The following NCKAP5 variants were observed in gnomAD, a reference collection of about 807,000 sequenced individuals.
NCKAP5 encodes the protein NCK associated protein 5, also known as nck-associated protein 5.
Under a neutral mutation model 167.0 loss-of-function variants are expected in NCKAP5, and 92 were observed. The observed-to-expected ratio is 0.55, with a 90% CI of 0.47 to 0.66. The LOEUF (loss-of-function observed/expected upper bound fraction) is 0.66, where lower values mean the gene tolerates loss of function less well. Among genes scored for constraint, NCKAP5 ranks in the 30% least tolerant of loss-of-function variants. The pLI, the probability that NCKAP5 is intolerant of heterozygous loss-of-function variation, is 0.00. For synonymous variants in NCKAP5, 891 were observed against 877.4 expected (o/e 1.02, Z -0.27); for missense variants, 2,378 against 2,315.0 (o/e 1.03, Z -0.56).
chr2:133,317,649 C>T (rs948480139), intron 3 of NCKAP5, among the ~76,000 whole-genome samples: 9 of 152,186 alleles, frequency 5.9e-5, no homozygotes, highest in East Asian at 1.9e-4. Context: ...CTGCATCCTT[C>T]GCCAGCTGTA....
At chr2:132,953,075 T>C (rs2076237406) in intron 8 of NCKAP5, among the ~76,000 whole-genome samples, 1 of 152,186 alleles carries the variant, frequency 6.6e-6, no homozygotes, top group African/African-American at 2.4e-5. Context: ...GGTAGTTCCA[T>C]GTACTACCTA....
intron 7 of NCKAP5, among the ~76,000 whole-genome samples, chr2:132,980,148 C>T (rs1175880332): frequency 1.3e-5 from 2 of 151,790 alleles, no homozygotes; most frequent in African/African-American, 4.8e-5. Flanking sequence ...CACCACTATA[C>T]CCAGCTAATT....
Position 132,939,257 on chromosome 2 carries a change from A to G in NCKAP5, c.579+24463T>C, listed in dbSNP as rs146817868. On this transcript the variant is annotated intron_variant, in intron 8 of 19. Coordinates refer to ENST00000409261, the MANE Select transcript of NCKAP5 (RefSeq NM_207363.3). The stretch of plus-strand genomic sequence containing the variant: ...ATTAGGAAAGTTGAGAGGGCAGTAC[A>G]CTATAATTAGAAGCCTGGGCCAGGC... Among the ~76,000 whole-genome samples the G allele has an allele frequency of 6.8e-3, 1,039 of 152,330 alleles. 10 individuals are homozygous for G. Among genetic ancestry groups the G allele is most frequent in the African/African-American group, 0.024 (991 of 41,580 alleles).
rs2085668112 is a variant in NCKAP5, at chr2:133,201,149, G to A, written c.207+12567C>T. 2.0e-5 allele frequency among the ~76,000 whole-genome samples: 3 copies of A among 152,146 alleles called. No individual in the cohort carries two copies. The South Asian group carries it at 6.2e-4, about 32-fold the overall frequency. On this transcript the variant is annotated intron_variant, in intron 5 of 19. Transcript: ENST00000409261. ...TGATAGTTGATGTGATAACCAGGCT[G>A]GCTACTAAGTGACTAACAGGCAGTG... is the stretch of plus-strand genomic sequence containing the variant.
At chr2:132,676,095 A>G (rs941287746) in intron 19 of NCKAP5, among the ~76,000 whole-genome samples, 4 of 152,078 alleles carry the variant, frequency 2.6e-5, no homozygotes, top group African/African-American at 9.7e-5. Flanking sequence ...CTATGCAGAA[A>G]TGTGGGTGCA....
rs140296314 is a variant in NCKAP5, at chr2:132,843,973, T to C, written c.807+16519A>G. Among the ~76,000 whole-genome samples the C allele has an allele frequency of 2.9e-3, 448 of 152,228 alleles. 2 individuals carry two copies. Among genetic ancestry groups the C allele is most frequent in the African/African-American group, 0.01 (427 of 41,564 alleles). ...ATCTGGTAGGTTGTGACCTTAAGAA[T>C]ACTTTCATCTTCTTTCCTCTTCCTC... On this transcript the variant is annotated intron_variant, in intron 11 of 19. Coordinates refer to ENST00000409261, the MANE Select transcript of NCKAP5 (RefSeq NM_207363.3).
intron 4 of NCKAP5, among the ~76,000 whole-genome samples, chr2:133,285,350 G>C (rs1162825182): frequency 6.6e-6 from 1 of 152,220 alleles, no homozygotes; most frequent in African/African-American, 2.4e-5. Context: ...GTTATCCAAA[G>C]TTGAAAGTGA....
chr2:133,107,975 T>A (rs775307985), intron 6 of NCKAP5, among the ~76,000 whole-genome samples: 1 of 152,222 alleles, frequency 6.6e-6, no homozygotes, highest in Non-Finnish European at 1.5e-5. Flanking sequence ...ATCTTTACTG[T>A]TAAGATATAG....
intron 5 of NCKAP5, among the ~76,000 whole-genome samples, chr2:133,184,121 T>C (rs1397296713): frequency 6.6e-6 from 1 of 152,018 alleles, no homozygotes; most frequent in Non-Finnish European, 1.5e-5. Flanking sequence ...TCACCCTTCC[T>C]CCCTGCTCTA....
chr2:132,825,063 T>G (rs552588620), intron 11 of NCKAP5, among the ~76,000 whole-genome samples: 1 of 152,184 alleles, frequency 6.6e-6, no homozygotes, highest in Non-Finnish European at 1.5e-5. Flanking sequence ...GGCCCATGTA[T>G]TAGAGATCCC....
At chr2:133,017,279 T>C (rs1363188652) in intron 6 of NCKAP5, among the ~76,000 whole-genome samples, 1 of 152,256 alleles carries the variant, frequency 6.6e-6, no homozygotes, top group Admixed American at 6.5e-5. Context: ...TCGAGGCATT[T>C]ATGCATTCTT....
intron 2 of NCKAP5, among the ~76,000 whole-genome samples, chr2:133,525,206 T>A (rs1684774394): frequency 6.6e-6 from 1 of 152,230 alleles, no homozygotes; most frequent in South Asian, 2.1e-4. Context: ...AATTAGTGGC[T>A]GGAAATAGTC....
At chr2:133,469,884 G>C (rs1030174347) in intron 3 of NCKAP5, among the ~76,000 whole-genome samples, 1 of 149,504 alleles carries the variant, frequency 6.7e-6, no homozygotes, top group Non-Finnish European at 1.5e-5. Context: ...GCACTTCTCT[G>C]TATTGGTTAT....
chr2:133,550,828 T>A (rs552070301), intron 2 of NCKAP5, among the ~76,000 whole-genome samples: 196 of 140,258 alleles, frequency 1.4e-3, no homozygotes, highest in Non-Finnish European at 2.5e-3. Flanking sequence ...GCAGACGACA[T>A]GATTGTATAT....
At chr2:133,074,271 TG>T (rs1176108642) in intron 6 of NCKAP5, among the ~76,000 whole-genome samples, 1 of 152,120 alleles carries the variant, frequency 6.6e-6, no homozygotes, top group Non-Finnish European at 1.5e-5. Flanking sequence ...AAGCAGCTTT[TG>T]TAATGATATT....
At chr2:133,155,944 G>A (rs964631668) in intron 5 of NCKAP5, among the ~76,000 whole-genome samples, 1 of 152,166 alleles carries the variant, frequency 6.6e-6, no homozygotes, top group Non-Finnish European at 1.5e-5. Context: ...TTTCTGTGGT[G>A]AACTCTGACT....
At chr2:133,204,032 C>G (rs972154442) in intron 5 of NCKAP5, among the ~76,000 whole-genome samples, 2 of 152,334 alleles carry the variant, frequency 1.3e-5, no homozygotes, top group East Asian at 1.9e-4. Flanking sequence ...TATCTACTCT[C>G]TATCTTTTAC....
At chr2:133,329,988 T>TA (rs938561968) in intron 3 of NCKAP5, among the ~76,000 whole-genome samples, 2 of 144,782 alleles carry the variant, frequency 1.4e-5, no homozygotes, top group African/African-American at 5.1e-5. Context: ...CTATGAAAGA[T>TA]AAAGAGTATA....
intron 3 of NCKAP5, among the ~76,000 whole-genome samples, chr2:133,323,298 T>C (rs1363558942): frequency 1.3e-5 from 2 of 152,204 alleles, no homozygotes; most frequent in African/African-American, 2.4e-5. Context: ...GTGTCTGACA[T>C]AGAGATCTCA....
Sources: gnomAD v4.1 joint callset for allele counts (sites outside exome capture counted in the v4.1 genomes callset) on GRCh38, gnomAD v4.1.1 for gene constraint, MANE v1.5 for transcripts, NCBI Gene and HGNC (gene_info 2026-07-23, HGNC 2026-07-21) for gene names.